The following HNF4A variants were observed in gnomAD, a reference collection of about 807,000 sequenced individuals.
HNF4A encodes the protein hepatocyte nuclear factor 4 alpha.
In HNF4A, 15 loss-of-function variants were observed where a neutral mutation model predicts 52.4. That is an observed-to-expected ratio of 0.29 (90% CI 0.19 to 0.44). The LOEUF (loss-of-function observed/expected upper bound fraction) is 0.44, where lower values mean the gene tolerates loss of function less well. Ranked by LOEUF, HNF4A falls within the 20% of genes least tolerant of loss-of-function variation. The pLI is 1.00. For synonymous variants in HNF4A, 280 were observed against 264.4 expected, an observed-to-expected ratio of 1.06 and a Z score of -0.57; for missense variants, 479 against 647.2, an observed-to-expected ratio of 0.74 and a Z score of 2.82.
At position 44,429,609 on chromosome 20, in the gene HNF4A, G is replaced by A. The variant is rs145314165; in HGVS notation, c.1369G>A (p.Val457Ile). 1.9e-5 allele frequency: 31 copies of A among 1,613,884 alleles called. No individual in the cohort carries two copies. Among genetic ancestry groups the A allele is most frequent in the South Asian group, 5.5e-5 (5 of 91,082 alleles). Residue 457 changes from valine (V) to isoleucine (I), a missense_variant, in exon 10 of 10, where the codon GTC becomes ATC. Physicochemically the swap from Val to Ile is conservative, Grantham distance 29. This residue lies in a region of HNF4A where 389 missense variants were observed against 525.1 expected (regional missense o/e 0.74). Transcript: ENST00000316099. Reference sequence around the variant, plus strand: ...CCTGCCGGGAGCCGTCGCCACAATCGTCAAGCCCCTCTCTGCCATCCCCCA... The same window carrying A: ...CCTGCCGGGAGCCGTCGCCACAATCATCAAGCCCCTCTCTGCCATCCCCCA...
intron 1 of HNF4A, among the ~76,000 whole-genome samples, chr20:44,364,718 C>T (rs143314706): frequency 0.17 from 26,436 of 152,034 alleles, 2,553 homozygotes; most frequent in Middle Eastern, 0.26. Context: ...TCCACCTGCC[C>T]CGACCTCCCA....
At chr20:44,407,951 C>T (rs751609611) in intron 3 of HNF4A, among the ~76,000 whole-genome samples, 1 of 152,270 alleles carries the variant, frequency 6.6e-6, no homozygotes, top group Non-Finnish European at 1.5e-5. Context: ...AGTATTCATT[C>T]GTGGGTATCA....
At position 44,432,672 on chromosome 20, in the gene HNF4A, C is replaced by G. The variant is rs2063892544; in HGVS notation, c.*3007C>G. On this transcript the variant is annotated 3_prime_UTR_variant, in exon 10 of 10. Coordinates refer to ENST00000316099, the MANE Select transcript of HNF4A (RefSeq NM_000457.6). ...AAGCAATTATCAAAGCGGGCTGGGT[C>G]CCATCAGAACGACCCACATCTTTCT... The G allele has an allele frequency of 6.6e-6, 1 of 152,078 alleles. No individual in the cohort carries two copies. Among genetic ancestry groups the G allele is most frequent in the Non-Finnish European group, 1.5e-5 (1 of 68,034 alleles). The allele number at this position is 152,078 out of a possible 1,614,324, so 9.4% of individuals were successfully genotyped here. A position where few individuals can be genotyped will look rare whatever the true frequency, so the allele number is the denominator to read the frequency against.
intron 1 of HNF4A, among the ~76,000 whole-genome samples, chr20:44,378,959 TCTC>T (rs1169897330): frequency 6.6e-6 from 1 of 151,284 alleles, no homozygotes; most frequent in Non-Finnish European, 1.5e-5. Context: ...AGAAAATAGT[TCTC>T]CTTTCTTCCC....
upstream of HNF4A, among the ~76,000 whole-genome samples, chr20:44,400,283 G>T (rs911469734): frequency 1.3e-5 from 2 of 152,098 alleles, no homozygotes; most frequent in African/African-American, 2.4e-5. Flanking sequence ...CCACTCTGAA[G>T]GTAGGAGACG....
chr20:44,423,829 T>C, intron 7 of HNF4A, among the ~76,000 whole-genome samples, 189 bp from the exon 8 acceptor site: 1 of 152,204 alleles, frequency 6.6e-6, no homozygotes, highest in East Asian at 1.9e-4. Context: ...GCAGAAATCT[T>C]TTTCTGCCTG....
chr20:44,418,483 C>G lies in HNF4A; in HGVS notation c.707C>G (p.Ser236Cys). ...CTGCTGCTCGGAGCCACCAAGAGAT[C>G]CATGGTGTTCAAGGACGTGCTGCTC... The change falls in exon 6 of 10, where the codon TCC (serine) becomes TGC (cysteine). Residue 236 changes from serine to cysteine, a missense_variant. Physicochemically the swap from Ser to Cys is moderately radical, Grantham distance 112 (BLOSUM62 -1). This residue lies in a region of HNF4A where 389 missense variants were observed against 525.1 expected (regional missense o/e 0.74). Transcript: ENST00000316099. 6.2e-7 allele frequency: 1 copy of G among 1,613,476 alleles called. No homozygotes were observed. Among genetic ancestry groups the G allele is most frequent in the Non-Finnish European group, 8.5e-7 (1 of 1,179,886 alleles).
intron 1 of HNF4A, among the ~76,000 whole-genome samples, chr20:44,404,034 G>A (rs2063447598): frequency 6.6e-6 from 1 of 152,212 alleles, no homozygotes; most frequent in Non-Finnish European, 1.5e-5. Context: ...ACCAAGTGGA[G>A]GGGGCTGCAC....
At chr20:44,356,149 C>T (rs2146129458) in intron 1 of HNF4A, among the ~76,000 whole-genome samples, 1 of 152,290 alleles carries the variant, frequency 6.6e-6, no homozygotes, top group African/African-American at 2.4e-5. Context: ...TTTCCAAAAC[C>T]CCACAGAGGG....
chr20:44,388,224 T>C (rs1007529389), intron 1 of HNF4A, among the ~76,000 whole-genome samples: 10 of 151,656 alleles, frequency 6.6e-5, no homozygotes, highest in Admixed American at 1.3e-4. Context: ...AAAGCTGGAG[T>C]TACAGGCATG....
intron 3 of HNF4A, 81 bp from the exon 4 acceptor site, chr20:44,413,613 C>T: frequency 1.0e-6 from 1 of 974,000 alleles, no homozygotes. Context: ...CCTCCTGCTC[C>T]CACTCCTCAT....
intron 7 of HNF4A, 97 bp from the exon 8 acceptor site, chr20:44,423,921 C>T: frequency 8.6e-7 from 1 of 1,160,022 alleles, no homozygotes; most frequent in Non-Finnish European, 1.3e-6. Flanking sequence ...CTGAAGACTC[C>T]TTGTGTGATA....
chr20:44,424,842 G>A (rs2063797201), intron 8 of HNF4A, among the ~76,000 whole-genome samples: 1 of 152,234 alleles, frequency 6.6e-6, no homozygotes, highest in Admixed American at 6.5e-5. Flanking sequence ...GAAGGGCAAG[G>A]TTGTGAGATG....
chr20:44,417,863 G>T (rs1394489229), intron 5 of HNF4A, among the ~76,000 whole-genome samples: 1 of 151,846 alleles, frequency 6.6e-6, no homozygotes, highest in Non-Finnish European at 1.5e-5. Context: ...CAGCTACTCT[G>T]GAGGCTGAGG....
Position 44,358,248 on chromosome 20 carries a change from G to GAA in HNF4A, c.49+2408_49+2409dup, listed in dbSNP as rs57044554. 9.7e-5 allele frequency among the ~76,000 whole-genome samples: 11 copies of GAA among 113,302 alleles called. 1 individual carries two copies. Among genetic ancestry groups the GAA allele is most frequent in the Non-Finnish European group, 5.9e-5 (3 of 50,668 alleles). The allele number at this position is 113,302 out of a possible 152,430, so 74.3% of individuals were successfully genotyped here. A position where few individuals can be genotyped will look rare whatever the true frequency, so the allele number is the denominator to read the frequency against. On this transcript the variant is annotated intron_variant, in intron 1 of 9. Coordinates refer to the HNF4A transcript ENST00000316673. ...TACTGAAGTCTGCTGGAAGGCTCCA[G>GAA]AAAAAAAAAAAAAAGAAAAGAAAAA...
At chr20:44,419,920 A>G (rs2063721049) in intron 7 of HNF4A, 44 bp downstream of exon 7, 3 of 1,597,970 alleles carry the variant, frequency 1.9e-6, no homozygotes, top group Non-Finnish European at 2.6e-6. Flanking sequence ...CTCTCTCCAG[A>G]ACGCTCTGCC....
intron 1 of HNF4A, among the ~76,000 whole-genome samples, chr20:44,368,661 A>C (rs2062998702): frequency 1.3e-5 from 2 of 152,144 alleles, no homozygotes; most frequent in African/African-American, 4.8e-5. Flanking sequence ...CTTGAATGTA[A>C]AATGTTAGTA....
chr20:44,399,477 C>G (rs923075292), upstream of HNF4A, among the ~76,000 whole-genome samples: 5 of 152,176 alleles, frequency 3.3e-5, no homozygotes, highest in African/African-American at 1.2e-4. Flanking sequence ...CCCCAGTCAT[C>G]TCAGCTTCAG....
chr20:44,422,733 G>T (rs992312854), intron 7 of HNF4A, among the ~76,000 whole-genome samples: 1 of 150,724 alleles, frequency 6.6e-6, no homozygotes, highest in Admixed American at 6.6e-5. Context: ...AGGCTGGAGT[G>T]CAGTGGCACC....
Sources: allele counts gnomAD v4.1 joint callset (sites outside exome capture counted in the v4.1 genomes callset), GRCh38; gene constraint gnomAD v4.1.1; regional missense constraint gnomAD v4.1.1; transcripts MANE v1.5; gene names NCBI Gene and HGNC (gene_info 2026-07-23, HGNC 2026-07-21).